The following ZCCHC4 variants were observed in gnomAD, a reference collection of about 807,000 sequenced individuals.
ZCCHC4 encodes the protein zinc finger CCHC-type containing 4.
Under a neutral mutation model 67.7 loss-of-function variants are expected in ZCCHC4, and 54 were observed. The ratio of observed to expected loss-of-function variants is 0.80; its 90% CI spans 0.64 to 1.00. The LOEUF is 1.00. Among genes scored for constraint, ZCCHC4 ranks in the 50% least tolerant of loss-of-function variants. The pLI is 0.00. For synonymous variants in ZCCHC4, 198 were observed against 213.5 expected (o/e 0.93, Z 0.63); for missense variants, 609 against 617.0 (o/e 0.99, Z 0.14).
intron 5 of ZCCHC4, among the ~76,000 whole-genome samples, chr4:25,336,277 G>A (rs1293270341): frequency 6.6e-6 from 1 of 152,112 alleles, no homozygotes; most frequent in Non-Finnish European, 1.5e-5. Flanking sequence ...TTAGCATCAT[G>A]TTTTCAAGGC....
chr4:25,325,337 G>A (rs1454444491), intron 3 of ZCCHC4, among the ~76,000 whole-genome samples: 1 of 131,186 alleles, frequency 7.6e-6, no homozygotes, highest in Non-Finnish European at 1.6e-5. Context: ...GTGCCATCTC[G>A]GCTCACTGCA....
At chr4:25,337,266 G>C (rs1354656511) in intron 5 of ZCCHC4, among the ~76,000 whole-genome samples, 1 of 152,198 alleles carries the variant, frequency 6.6e-6, no homozygotes, top group Non-Finnish European at 1.5e-5. Context: ...GGATATAGCA[G>C]GCTTTAGTCT....
intron 5 of ZCCHC4, among the ~76,000 whole-genome samples, chr4:25,334,809 G>T (rs1719369249): frequency 6.6e-6 from 1 of 151,968 alleles, no homozygotes; most frequent in Non-Finnish European, 1.5e-5. Flanking sequence ...CTTTTATTTA[G>T]ATCTGCTTCC....
intron 6 of ZCCHC4, among the ~76,000 whole-genome samples, chr4:25,346,467 T>A (rs1022085466): frequency 6.6e-6 from 1 of 152,194 alleles, no homozygotes; most frequent in Admixed American, 6.5e-5. Flanking sequence ...TATATCAATT[T>A]TGTAAAAATT....
rs554032435 is a variant in ZCCHC4, at chr4:25,359,423, G to A, written c.1012-2436G>A. On this transcript the variant is annotated intron_variant, in intron 8 of 12. Transcript: ENST00000302874. This position sits in a 1 kb window ranked among gnomAD's most constrained non-coding sequence, Gnocchi z 4.9. ...GCACAGGCGGGGCACCTGGAGGCTC[G>A]GCTACAGAGCTTGGAAAAGGAATTA... Among the ~76,000 whole-genome samples the A allele has an allele frequency of 2.0e-5, 3 of 152,206 alleles. No homozygotes were observed. The highest frequency in any genetic ancestry group is 7.2e-5 in the African/African-American group (3 of 41,536).
At chr4:25,364,887 C>T in intron 11 of ZCCHC4, 135 bp from the exon 12 acceptor site, 1 of 1,240,782 alleles carries the variant, frequency 8.1e-7, no homozygotes, top group Non-Finnish European at 1.1e-6. Flanking sequence ...GTCTCTTTAG[C>T]CAAACTAAAA....
At position 25,314,015 on chromosome 4, in the gene ZCCHC4, CTT is replaced by C. The variant is rs61227153; in HGVS notation, c.128-17_128-16del. 1.4e-3 allele frequency: 1,385 copies of C among 1,018,366 alleles called. 1 individual carries two copies. The highest frequency in any genetic ancestry group is 4.0e-3 in the South Asian group (232 of 57,754). The allele number at this position is 1,018,366 out of a possible 1,614,324, so 63.1% of individuals were successfully genotyped here. ...TGACGTAGATGACCATTACTTGACA[CTT>C]TTTTTTTTTTTTTCTATTCTGGAAC... On this transcript the variant is annotated intron_variant, in intron 1 of 12. Coordinates refer to ENST00000302874, the MANE Select transcript of ZCCHC4 (RefSeq NM_024936.3).
At chr4:25,365,799 T>C in intron 12 of ZCCHC4, 1 of 985,456 alleles carries the variant, frequency 1.0e-6, no homozygotes, top group Non-Finnish European at 1.2e-6. Context: ...GCACTGCTTC[T>C]GGAATAGTTA....
At chr4:25,315,517 T>A in intron 3 of ZCCHC4, 117 bp downstream of exon 3, 5 of 690,074 alleles carry the variant, frequency 7.2e-6, no homozygotes, top group Non-Finnish European at 1.1e-5. Context: ...GTTACATATA[T>A]AATATAAAAT....
intron 3 of ZCCHC4, among the ~76,000 whole-genome samples, chr4:25,315,809 G>A (rs1266507585): frequency 6.6e-6 from 1 of 151,640 alleles, no homozygotes; most frequent in Admixed American, 6.6e-5. Flanking sequence ...AACCTCCTGG[G>A]CTCAACCAGT....
intron 5 of ZCCHC4, among the ~76,000 whole-genome samples, chr4:25,344,649 CTG>C: frequency 6.6e-6 from 1 of 151,794 alleles, no homozygotes; most frequent in South Asian, 2.1e-4. Flanking sequence ...AAATAAAACA[CTG>C]TGTTAGCAAA....
Position 25,365,099 on chromosome 4 carries a change from A to T in ZCCHC4, c.1339A>T (p.Ile447Phe), listed in dbSNP as rs1291704300. ...TGAGGGCCCCAAACATGGCTGCTTTATTTGTGGTGAACTGGATCATAAACG... is the reference window on the plus strand; with the variant it reads ...TGAGGGCCCCAAACATGGCTGCTTTTTTTGTGGTGAACTGGATCATAAACG... ...SCEGPKHGCF[I>F]CGELDHKRST... Residue 447 changes from isoleucine (I) to phenylalanine (F), a missense_variant, in exon 12 of 13, where the codon ATT becomes TTT. Physicochemically the swap from Ile to Phe is conservative, Grantham distance 21. Coordinates refer to ENST00000302874, the MANE Select transcript of ZCCHC4 (RefSeq NM_024936.3). 6.2e-7 allele frequency: 1 copy of T among 1,614,180 alleles called. No individual in the cohort carries two copies. Among genetic ancestry groups the T allele is most frequent in the East Asian group, 2.2e-5 (1 of 44,878 alleles).
chr4:25,360,212 TCTTGCAGATTTAGAAGCGGCAACACTCCC>T (rs1325998533), intron 8 of ZCCHC4, among the ~76,000 whole-genome samples: 1 of 152,220 alleles, frequency 6.6e-6, no homozygotes, highest in South Asian at 2.1e-4. Flanking sequence ...CCTCTGATTC[TCTTGCAGATTTAGAAGCGGCAACACTCCC>T]CTTGCCTAGA....
chr4:25,349,020 T>C (rs367733361), intron 6 of ZCCHC4, among the ~76,000 whole-genome samples: 64 of 152,296 alleles, frequency 4.2e-4, no homozygotes, highest in African/African-American at 1.4e-3. Context: ...CAAAAACATA[T>C]GCATGTTTAA....
At chr4:25,368,713 C>G (rs1721036772) in intron 12 of ZCCHC4, among the ~76,000 whole-genome samples, 1 of 152,120 alleles carries the variant, frequency 6.6e-6, no homozygotes, top group Non-Finnish European at 1.5e-5. Flanking sequence ...TACAGATGTA[C>G]AAAAAACTTT....
chr4:25,360,953 C>T (rs1206086715), intron 8 of ZCCHC4, among the ~76,000 whole-genome samples: 1 of 152,136 alleles, frequency 6.6e-6, no homozygotes, highest in Non-Finnish European at 1.5e-5. Flanking sequence ...ATGGTGATCA[C>T]CAAGGAGGTG....
chr4:25,324,014 G>GGTTTTTTTTTTTTTTTTTTTTT (rs777768505), intron 3 of ZCCHC4, among the ~76,000 whole-genome samples: 1 of 82,448 alleles, frequency 1.2e-5, no homozygotes. Context: ...TGTTTTTTGT[G>GGTTTTTTTTTTTTTTTTTTTTT]TTTTTTTTTT....
chr4:25,346,057 T>C (rs1719995616), intron 6 of ZCCHC4, among the ~76,000 whole-genome samples: 1 of 152,162 alleles, frequency 6.6e-6, no homozygotes, highest in Non-Finnish European at 1.5e-5. Context: ...TAGAACTTTG[T>C]TCCAAATCAC....
intron 3 of ZCCHC4, among the ~76,000 whole-genome samples, chr4:25,325,520 T>C (rs1718836572): frequency 6.6e-6 from 1 of 152,100 alleles, no homozygotes; most frequent in African/African-American, 2.4e-5. Flanking sequence ...TGCCTCAGCC[T>C]CCCAAAGTAC....
Sources: gnomAD v4.1 joint callset for allele counts (sites outside exome capture counted in the v4.1 genomes callset) on GRCh38, gnomAD v4.1.1 for gene constraint, Gnocchi (gnomAD v3.1) non-coding constraint, MANE v1.5 for transcripts, NCBI Gene and HGNC (gene_info 2026-07-23, HGNC 2026-07-21) for gene names.